The following ATP13A2 variants were observed in gnomAD, a reference collection of about 807,000 sequenced individuals.
ATP13A2 encodes polyamine-transporting ATPase 13A2.
ATP13A2 carries 83 observed loss-of-function variants against 138.3 expected under a neutral mutation model. That is an observed-to-expected ratio of 0.60 (90% confidence interval 0.50 to 0.72). The LOEUF (loss-of-function observed/expected upper bound fraction) is 0.72. ATP13A2 is among the 30% of genes least tolerant of loss of function. ATP13A2 has a pLI of 0.00. For synonymous variants in ATP13A2, 663 were observed against 699.0 expected, an observed-to-expected ratio of 0.95 and a Z score of 0.81; for missense variants, 1,402 against 1,606.4, an observed-to-expected ratio of 0.87 and a Z score of 2.17.
chr1:16,989,566 G>A (rs1251989170), intron 23 of ATP13A2, 125 bp downstream of exon 23: 17 of 902,288 alleles, frequency 1.9e-5, no homozygotes, highest in Non-Finnish European at 2.7e-5. Flanking sequence ...CTTTTGGTGA[G>A]GAGGGGTGAC....
chr1:16,992,004 C>A lies in ATP13A2; in HGVS notation c.2126+5G>T. 2 of 1,611,722 alleles carry A rather than the reference C, an allele frequency of 1.2e-6. No homozygotes were observed. Among genetic ancestry groups the A allele is most frequent in the Non-Finnish European group, 1.7e-6 (2 of 1,178,688 alleles). On this transcript the variant is annotated splice_donor_5th_base_variant and intron_variant, in intron 19 of 28. Transcript: ENST00000326735. ...CAGAGTGGGTGGGACAGGAGACAGG[C>A]CCACCTCGTCAGTTGCTGGGCTGCC...
At chr1:16,993,935 C>CT in intron 15 of ATP13A2, 100 bp from the exon 16 acceptor site, 1 of 1,026,112 alleles carries the variant, frequency 9.7e-7, no homozygotes, top group Non-Finnish European at 1.4e-6. Flanking sequence ...CCTATGGGAA[C>CT]CCCAGGAACT....
rs1491348712 is a variant in ATP13A2 at position 17,000,215 on chromosome 1, T to TGCCCCC, written c.907+25_907+30dup. 6 of 485,370 alleles carry TGCCCCC rather than the reference T, an allele frequency of 1.2e-5. No individual in the cohort carries two copies. In the Admixed American group the frequency reaches 2.9e-4, roughly 24 times the overall value. 30.1% of individuals were successfully genotyped at this position (485,370 alleles called of 1,614,324 possible). A position where few individuals can be genotyped will look rare whatever the true frequency, so the allele number is the denominator to read the frequency against. On this transcript the variant is annotated intron_variant, in intron 10 of 28. Transcript: ENST00000326735. ...CCATGCCCCCCCACCCTCCCACTCC[T>TGCCCCC]GCCCCCGCCCCCTGGGCCCTAGCTC...
Position 17,004,452 on chromosome 1 carries a change from C to T in ATP13A2, c.478-41G>A, listed in dbSNP as rs368777025. 110 of 1,606,592 alleles carry T rather than the reference C, an allele frequency of 6.8e-5. No homozygotes were observed. Among genetic ancestry groups the T allele is most frequent in the East Asian group, 6.3e-4 (28 of 44,588 alleles). On this transcript the variant is annotated intron_variant, in intron 5 of 28. Transcript: ENST00000326735. This position sits in a 1 kb window ranked among gnomAD's most constrained non-coding sequence, Gnocchi z 4.1. The stretch of plus-strand genomic sequence containing the variant: ...GAGAGGATGGGTTGGAAGCTGGCCC[C>T]GGCCCCAGAAGCAGTGTGCTTATGC...
In ATP13A2 at chr1:16,997,097, G is replaced by T. The variant is rs757548140; in HGVS notation, c.1118C>A (p.Thr373Lys). The stretch of plus-strand genomic sequence containing the variant: ...CAAGATGAGGGTCCCGCAGAAGAGT[G>T]TGTGCCGCCGGTGTGTCTCTGCACA... The part of the protein sequence containing the change: ...PYCAETHRRH[T>K]LFCGTLILQA... The change falls in exon 12 of 29, where the codon ACA (threonine) becomes AAA (lysine). Residue 373 changes from threonine (T) to lysine (K), a missense_variant. Transcript: ENST00000326735. 30 of 1,613,768 alleles carry T rather than the reference G, an allele frequency of 1.9e-5. No individual in the cohort carries two copies. The highest frequency in any genetic ancestry group is 2.5e-5 in the Non-Finnish European group (30 of 1,180,026).
chr1:17,001,657 G>C (rs891710144), intron 8 of ATP13A2, among the ~76,000 whole-genome samples: 5 of 152,190 alleles, frequency 3.3e-5, no homozygotes, highest in Admixed American at 1.3e-4. Context: ...TCTCAGGTGT[G>C]AACAGTGCAG....
Position 16,995,833 on chromosome 1 carries a change from G to T in ATP13A2, c.1542+143C>A. ...CCCAGTGAGGGCAGGAGTGGGATGG[G>T]GTGGATCCTCTGGGGGTTTCCATCC... On this transcript the variant is annotated intron_variant, in intron 15 of 28. Coordinates refer to ENST00000326735, the MANE Select transcript of ATP13A2 (RefSeq NM_022089.4). The surrounding 1 kb of genome is among the most constrained non-coding windows in gnomAD (Gnocchi z 4.1). 1 of 985,480 alleles carries T rather than the reference G, an allele frequency of 1.0e-6. No homozygotes were observed. The allele number at this position is 985,480 out of a possible 1,614,324, so 61.0% of individuals were successfully genotyped here.
chr1:16,998,353 C>T (rs2077221492), intron 11 of ATP13A2, among the ~76,000 whole-genome samples: 1 of 152,048 alleles, frequency 6.6e-6, no homozygotes, highest in Non-Finnish European at 1.5e-5. Flanking sequence ...GATAGACGTG[C>T]ACCACTACAC....
At chr1:16,998,395 G>A (rs940243236) in intron 11 of ATP13A2, among the ~76,000 whole-genome samples, 2 of 152,016 alleles carry the variant, frequency 1.3e-5, no homozygotes, top group African/African-American at 4.8e-5. Flanking sequence ...TGGTAGAGAT[G>A]GGGTTTCAAC....
chr1:16,991,406 C>A (rs2100759182), intron 20 of ATP13A2, among the ~76,000 whole-genome samples: 1 of 152,312 alleles, frequency 6.6e-6, no homozygotes, highest in Non-Finnish European at 1.5e-5. Context: ...CTTCCTGCTC[C>A]TTGAGCTTGT....
In ATP13A2 at chr1:16,995,471, ATTTTT is replaced by A. The variant is rs766448101; in HGVS notation, c.1542+500_1542+504del. The stretch of plus-strand genomic sequence containing the variant: ...CTAGGGCCCCAGGTCCCCACCAGTA[ATTTTT>A]TTTTTTTTTTGAGTTTTGCTCTGTC... On this transcript the variant is annotated intron_variant, in intron 15 of 28. Transcript: ENST00000326735. This position sits in a 1 kb window ranked among gnomAD's most constrained non-coding sequence, Gnocchi z 4.1. 2 of 209,590 alleles carry A rather than the reference ATTTTT, an allele frequency of 9.5e-6. No homozygotes were observed. Among genetic ancestry groups the A allele is most frequent in the Admixed American group, 5.9e-5 (1 of 17,018 alleles). 13.0% of individuals were successfully genotyped at this position (209,590 alleles called of 1,614,324 possible). A position where few individuals can be genotyped will look rare whatever the true frequency, so the allele number is the denominator to read the frequency against.
intron 8 of ATP13A2, 40 bp downstream of exon 8, chr1:17,001,994 C>T (rs201630749): frequency 1.8e-5 from 29 of 1,586,690 alleles, no homozygotes; most frequent in South Asian, 4.6e-5. Context: ...TCACACAGCA[C>T]GCCAGGCAGG....
Position 16,996,592 on chromosome 1 carries a change from A to G in ATP13A2, c.1196-96T>C, listed in dbSNP as rs2077135325. ...CCCGACCCGTGCCTCTGGAGTTGCA[A>G]GACATGATGTTTGTGAAATTAGCCA... On this transcript the variant is annotated intron_variant, in intron 12 of 28. Coordinates refer to ENST00000326735, the MANE Select transcript of ATP13A2 (RefSeq NM_022089.4). 3.1e-6 allele frequency: 3 copies of G among 960,708 alleles called. No homozygotes were observed. In the African/African-American group the frequency reaches 4.8e-5, roughly 15 times the overall value. The allele number at this position is 960,708 out of a possible 1,614,324, so 59.5% of individuals were successfully genotyped here. A position where few individuals can be genotyped will look rare whatever the true frequency, so the allele number is the denominator to read the frequency against.
At position 16,992,078 on chromosome 1, in the gene ATP13A2, C is replaced by T. The variant is rs893094160; in HGVS notation, c.2057G>A (p.Arg686His). The change falls in exon 19 of 29, where the codon CGT (arginine) becomes CAT (histidine). Residue 686 changes from arginine to histidine, a missense_variant. Coordinates refer to ENST00000326735, the MANE Select transcript of ATP13A2 (RefSeq NM_022089.4). ...MLQSYTAAGY[R>H]VVALASKPLP... The stretch of plus-strand genomic sequence containing the variant: ...TGGCTTGCTGGCCAGGGCCACGACA[C>T]GGTAGCCAGCAGCTGTATAGCTCTG... 4 of 1,613,356 alleles carry T rather than the reference C, an allele frequency of 2.5e-6. No homozygotes were observed. The highest frequency in any genetic ancestry group is 2.5e-6 in the Non-Finnish European group (3 of 1,179,838).
In ATP13A2 at chr1:17,011,827, C is replaced by T. The variant is rs1322971591; in HGVS notation, c.-89G>A. 5.5e-6 allele frequency: 6 copies of T among 1,094,818 alleles called. No individual in the cohort carries two copies. Among genetic ancestry groups the T allele is most frequent in the Non-Finnish European group, 6.6e-6 (6 of 902,552 alleles). The allele number at this position is 1,094,818 out of a possible 1,614,324, so 67.8% of individuals were successfully genotyped here. ...GCAAGGCCCTGGGCGGGGGCGCGGTCCGGACGGCCCGGGGCGAGGGGCGCT... is the reference window on the plus strand; with the variant it reads ...GCAAGGCCCTGGGCGGGGGCGCGGTTCGGACGGCCCGGGGCGAGGGGCGCT... On this transcript the variant is annotated 5_prime_UTR_variant, in exon 1 of 29. Transcript: ENST00000326735. The surrounding 1 kb of genome is among the most constrained non-coding windows in gnomAD (Gnocchi z 7.3).
At chr1:16,997,293 G>A in intron 11 of ATP13A2, 118 bp from the exon 12 acceptor site, 4 of 1,276,762 alleles carry the variant, frequency 3.1e-6, no homozygotes, top group Non-Finnish European at 4.4e-6. Flanking sequence ...GTAACCAGGT[G>A]TGAACAAGAA....
At position 16,988,482 on chromosome 1, in the gene ATP13A2, GAGGTGTGGAC is replaced by G. The variant is rs1461676028; in HGVS notation, c.2610-18_2610-9del. On this transcript the variant is annotated splice_polypyrimidine_tract_variant and intron_variant, in intron 23 of 28. Coordinates refer to ENST00000326735, the MANE Select transcript of ATP13A2 (RefSeq NM_022089.4). ...CACATGCCCACGCAGTACCTGAAGAGAGGTGTGGACAGGTGTGGCCTGGGGAATTACCCCA... is the reference window on the plus strand; with the variant it reads ...CACATGCCCACGCAGTACCTGAAGAGAGGTGTGGCCTGGGGAATTACCCCA... 9.3e-6 allele frequency: 15 copies of G among 1,613,718 alleles called. No individual in the cohort carries two copies. Among genetic ancestry groups the G allele is most frequent in the Non-Finnish European group, 1.3e-5 (15 of 1,180,030 alleles).
rs780624699 is a variant in ATP13A2 at position 16,986,382 on chromosome 1, A to G, written c.3406-24T>C. On this transcript the variant is annotated intron_variant, in intron 28 of 28. Transcript: ENST00000326735. This position sits in a 1 kb window ranked among gnomAD's most constrained non-coding sequence, Gnocchi z 6.9. ...CTCTGCAAAGGGCAGGGAGGGTGTCAGGGGCAGCCGGGGCTGAGCTGGGGT... is the reference window on the plus strand; with the variant it reads ...CTCTGCAAAGGGCAGGGAGGGTGTCGGGGGCAGCCGGGGCTGAGCTGGGGT... 1.8e-5 allele frequency: 29 copies of G among 1,589,642 alleles called. 1 individual carries two copies. The Middle Eastern group carries it at 1.3e-3, about 73-fold the overall frequency.
In ATP13A2 at chr1:16,997,061, G is replaced by A. The variant is rs766267020; in HGVS notation, c.1154C>T (p.Ala385Val). 6.2e-7 allele frequency: 1 copy of A among 1,613,212 alleles called. No homozygotes were observed. Among genetic ancestry groups the A allele is most frequent in the Non-Finnish European group, 8.5e-7 (1 of 1,179,988 alleles). ...FCGTLILQAR[A>V]YVGPHVLAVV... is the part of the protein sequence containing the mutation. ...TGCCAGGACGTGCGGTCCCACATAG[G>A]CCCGGGCCTGCAAGATGAGGGTCCC... Residue 385 changes from alanine (A) to valine (V), a missense_variant, in exon 12 of 29, where the codon GCC becomes GTC. Transcript: ENST00000326735.
Sources: allele counts gnomAD v4.1 joint callset (sites outside exome capture counted in the v4.1 genomes callset), GRCh38; gene constraint gnomAD v4.1.1; non-coding constraint Gnocchi (gnomAD v3.1); transcripts MANE v1.5; gene names NCBI Gene and HGNC (gene_info 2026-07-23, HGNC 2026-07-21).